The following NDUFAF2 variants were observed in gnomAD, a reference collection of about 807,000 sequenced individuals.
The protein encoded by NDUFAF2 is NADH:ubiquinone oxidoreductase complex assembly factor 2, also known as NADH dehydrogenase [ubiquinone] 1 alpha subcomplex assembly factor 2.
In NDUFAF2, 13 loss-of-function variants were observed where a neutral mutation model predicts 22.8. That is an observed-to-expected ratio of 0.57 (90% CI 0.37 to 0.91). NDUFAF2 has a LOEUF of 0.91. Ranked by LOEUF, NDUFAF2 falls within the 40% of genes least tolerant of loss-of-function variation. The probability of loss-of-function intolerance (pLI) is 0.01; values close to 1 mark genes in which losing one functional copy is unlikely to be tolerated. For missense variants in NDUFAF2, 162 were observed against 195.2 expected (o/e 0.83, Z 1.01); for synonymous variants, 53 against 64.2 (o/e 0.83, Z 0.84).
intron 1 of NDUFAF2, among the ~76,000 whole-genome samples, chr5:61,036,767 T>C (rs1055135828): frequency 6.6e-6 from 1 of 152,158 alleles, no homozygotes; most frequent in African/African-American, 2.4e-5. Flanking sequence ...CCAGTGGGAA[T>C]AGCCTTCTCC....
intron 1 of NDUFAF2, among the ~76,000 whole-genome samples, chr5:61,015,343 A>C (rs1474663323): frequency 2.6e-5 from 4 of 152,166 alleles, no homozygotes; most frequent in Non-Finnish European, 5.9e-5. Flanking sequence ...GTGCAGTGGC[A>C]TGATCTTGGC....
At position 61,045,080 on chromosome 5, in the gene NDUFAF2, T is replaced by TTATTAAAATTTAATAA. The variant is rs1263847647; in HGVS notation, c.128-28045_128-28044insTATTAAAATTTAATAA. Among the ~76,000 whole-genome samples, 15 of 138,632 alleles carry TTATTAAAATTTAATAA rather than the reference T, an allele frequency of 1.1e-4. 1 individual carries two copies. Among genetic ancestry groups the TTATTAAAATTTAATAA allele is most frequent in the Non-Finnish European group, 1.7e-4 (11 of 63,826 alleles). 90.9% of individuals were successfully genotyped at this position (138,632 alleles called of 152,430 possible). ...AGTAAAATAAAGTTTTATTAAAATT[T>TTATTAAAATTTAATAA]AATAAAATAAAATAAAGTTTTATTA... On this transcript the variant is annotated intron_variant, in intron 1 of 3. Transcript: ENST00000296597.
chr5:61,135,593 C>T (rs1437963090), intron 3 of NDUFAF2, among the ~76,000 whole-genome samples: 1 of 152,064 alleles, frequency 6.6e-6, no homozygotes, highest in Non-Finnish European at 1.5e-5. Context: ...ACATCAGGGG[C>T]CCTATCCTCA....
At chr5:60,972,200 C>G (rs1443611027) in intron 1 of NDUFAF2, among the ~76,000 whole-genome samples, 2 of 151,266 alleles carry the variant, frequency 1.3e-5, no homozygotes, top group African/African-American at 4.9e-5. Flanking sequence ...CTCGGCCTCC[C>G]AAAGTGCTGA....
intron 3 of NDUFAF2, among the ~76,000 whole-genome samples, chr5:61,134,552 GGCACGTGCCTGTAGTCCCA>G (rs1441762677): frequency 6.6e-6 from 1 of 152,124 alleles, no homozygotes; most frequent in Admixed American, 6.5e-5. Context: ...CGGACGTGGT[GGCACGTGCCTGTAGTCCCA>G]GCTACTTGGG....
chr5:61,104,792 G>A (rs1014177398), intron 3 of NDUFAF2, among the ~76,000 whole-genome samples: 1 of 151,816 alleles, frequency 6.6e-6, no homozygotes, highest in Non-Finnish European at 1.5e-5. Flanking sequence ...GAGACTGCTT[G>A]GTAAATATGA....
intron 1 of NDUFAF2, among the ~76,000 whole-genome samples, chr5:61,028,307 C>T (rs930023395): frequency 4.6e-5 from 7 of 152,070 alleles, no homozygotes; most frequent in Admixed American, 2.0e-4. Context: ...ATCCCCTTCT[C>T]TTATCACATT....
intron 3 of NDUFAF2, among the ~76,000 whole-genome samples, chr5:61,135,301 G>A (rs563226032): frequency 2.0e-5 from 3 of 152,056 alleles, no homozygotes; most frequent in African/African-American, 4.8e-5. Flanking sequence ...GTCAAGTCTC[G>A]GGCAGGAAAT....
Position 61,152,865 on chromosome 5 carries a change from G to A in NDUFAF2, c.420G>A (p.Lys140=). ...ATGCCTCTGCTCCATACTTTGGAAA[G>A]GAAGAACCCTCAGTGGCTCCCAGCA... ...KGHASAPYFG[K]EEPSVAPSST... is the part of the protein sequence containing the mutation. Residue 140 remains lysine, a synonymous_variant, in exon 4 of 4, where the codon AAG becomes AAA. Transcript: ENST00000296597. The A allele has an allele frequency of 6.2e-7, 1 of 1,610,412 alleles. No individual in the cohort carries two copies. The highest frequency in any genetic ancestry group is 2.2e-5 in the East Asian group (1 of 44,672).
At chr5:61,040,553 A>G (rs1172654001) in intron 1 of NDUFAF2, among the ~76,000 whole-genome samples, 5 of 151,156 alleles carry the variant, frequency 3.3e-5, no homozygotes, top group Non-Finnish European at 5.9e-5. Context: ...CCATAAATAT[A>G]TATTTTTTTG....
At chr5:60,992,797 A>C (rs191973261) in intron 1 of NDUFAF2, among the ~76,000 whole-genome samples, 3 of 152,186 alleles carry the variant, frequency 2.0e-5, no homozygotes, top group Admixed American at 2.0e-4. Flanking sequence ...TAGATATGCT[A>C]TTCAAGTTTA....
intron 1 of NDUFAF2, among the ~76,000 whole-genome samples, chr5:61,062,116 T>A (rs980408815): frequency 2.6e-5 from 4 of 152,180 alleles, no homozygotes; most frequent in African/African-American, 9.7e-5. Context: ...TACCAGCAGA[T>A]GTGCAGATAT....
At chr5:61,046,734 A>G (rs1751958775) in intron 1 of NDUFAF2, among the ~76,000 whole-genome samples, 3 of 152,164 alleles carry the variant, frequency 2.0e-5, no homozygotes, top group Admixed American at 2.0e-4. Context: ...TAAAGTAAGT[A>G]TCCCTTCATT....
At chr5:61,044,637 A>G (rs1751923962) in intron 1 of NDUFAF2, among the ~76,000 whole-genome samples, 1 of 152,032 alleles carries the variant, frequency 6.6e-6, no homozygotes, top group Non-Finnish European at 1.5e-5. Context: ...GTTGACTGTA[A>G]TATGTGGTTT....
chr5:61,062,649 A>T (rs1205636745), intron 1 of NDUFAF2, among the ~76,000 whole-genome samples: 2 of 152,172 alleles, frequency 1.3e-5, no homozygotes, highest in Non-Finnish European at 2.9e-5. Context: ...TAATGAAGTA[A>T]TTGCTGAAAA....
At chr5:60,989,474 T>C (rs891786106) in intron 1 of NDUFAF2, among the ~76,000 whole-genome samples, 2 of 152,174 alleles carry the variant, frequency 1.3e-5, no homozygotes, top group African/African-American at 4.8e-5. Flanking sequence ...TGCAGCACTA[T>C]TCACAATAGC....
intron 2 of NDUFAF2, among the ~76,000 whole-genome samples, chr5:61,093,095 G>A (rs537586441): frequency 1.3e-5 from 2 of 152,208 alleles, no homozygotes; most frequent in Admixed American, 1.3e-4. Flanking sequence ...AGAGCAGGAA[G>A]CATCCAGCAT....
chr5:61,149,747 A>G (rs1231395761), intron 3 of NDUFAF2, among the ~76,000 whole-genome samples: 2 of 152,214 alleles, frequency 1.3e-5, no homozygotes, highest in Non-Finnish European at 2.9e-5. Flanking sequence ...TGATAAACGT[A>G]TGGAGATATA....
At chr5:61,142,418 C>T (rs545345950) in intron 3 of NDUFAF2, among the ~76,000 whole-genome samples, 2 of 152,194 alleles carry the variant, frequency 1.3e-5, no homozygotes, top group African/African-American at 2.4e-5. Context: ...AGAATATAAA[C>T]AAACCATACA....
Sources: allele counts gnomAD v4.1 joint callset (sites outside exome capture counted in the v4.1 genomes callset), GRCh38; gene constraint gnomAD v4.1.1; transcripts MANE v1.5; gene names NCBI Gene and HGNC (gene_info 2026-07-23, HGNC 2026-07-21).